Variants in MYO3A observed in about 807,000 individuals in gnomAD.
MYO3A encodes myosin IIIA.
Under a neutral mutation model 192.7 loss-of-function variants are expected in MYO3A, and 180 were observed. That is an observed-to-expected ratio of 0.93 (90% CI 0.83 to 1.06). MYO3A has a LOEUF of 1.06. MYO3A is among the 50% of genes least tolerant of loss of function. MYO3A has a pLI of 0.00. For missense variants in MYO3A, 1,896 were observed against 1,905.0 expected, an observed-to-expected ratio of 1.00 and a Z score of 0.09; for synonymous variants, 628 against 645.3, an observed-to-expected ratio of 0.97 and a Z score of 0.41.
In MYO3A at chr10:26,176,670, G is replaced by C. The variant is rs377363591; in HGVS notation, c.4294-31G>C. On this transcript the variant is annotated intron_variant, in intron 30 of 34. Transcript: ENST00000642920. ...CAGAACTCTCTGTATTCTTTTCCTT[G>C]ATTTAACCTGACACATGACCTTCTT... 1,772 of 1,593,378 alleles carry C rather than the reference G, an allele frequency of 1.1e-3. 32 individuals carry two copies. The South Asian group carries it at 0.013, about 11-fold the overall frequency.
chr10:26,136,983 A>G (rs1589019063), intron 20 of MYO3A, among the ~76,000 whole-genome samples: 1 of 151,878 alleles, frequency 6.6e-6, no homozygotes, highest in Non-Finnish European at 1.5e-5. Context: ...GTGCCACTGC[A>G]CTCCAGCCTG....
chr10:26,032,817 A>C (rs891369890), intron 10 of MYO3A, among the ~76,000 whole-genome samples: 1 of 152,150 alleles, frequency 6.6e-6, no homozygotes, highest in African/African-American at 2.4e-5. Flanking sequence ...GCATGACTCC[A>C]TTTTATGTTC....
At chr10:26,198,404 G>A (rs954187307) in intron 32 of MYO3A, among the ~76,000 whole-genome samples, 4 of 152,128 alleles carry the variant, frequency 2.6e-5, no homozygotes, top group Non-Finnish European at 5.9e-5. Context: ...ATGACTCAGG[G>A]CCAAGTTTCC....
chr10:25,970,510 T>C (rs1378190889), intron 4 of MYO3A, among the ~76,000 whole-genome samples: 4 of 152,092 alleles, frequency 2.6e-5, no homozygotes, highest in Admixed American at 6.5e-5. Flanking sequence ...ATCGGTTATA[T>C]AGATTTTTGC....
chr10:26,010,122 T>C (rs1841528910), intron 6 of MYO3A, among the ~76,000 whole-genome samples: 1 of 152,196 alleles, frequency 6.6e-6, no homozygotes, highest in Non-Finnish European at 1.5e-5. Context: ...TGTTGAGATC[T>C]TTAAAGAAAG....
chr10:25,979,533 C>A (rs1839181353), intron 4 of MYO3A, among the ~76,000 whole-genome samples: 1 of 151,612 alleles, frequency 6.6e-6, no homozygotes, highest in Non-Finnish European at 1.5e-5. Context: ...GGAAACATAC[C>A]AAAACAATCT....
chr10:26,186,671 T>C (rs1488981356), intron 31 of MYO3A, among the ~76,000 whole-genome samples: 5 of 152,206 alleles, frequency 3.3e-5, no homozygotes, highest in Non-Finnish European at 5.9e-5. Flanking sequence ...TTCCCATGCT[T>C]ATTTGCTTTT....
At position 26,201,297 on chromosome 10, in the gene MYO3A, G is replaced by A. The variant is rs1843660904; in HGVS notation, c.4578G>A (p.Arg1526=). 2 of 1,579,136 alleles carry A rather than the reference G, an allele frequency of 1.3e-6. No homozygotes were observed. Among genetic ancestry groups the A allele is most frequent in the African/African-American group, 1.4e-5 (1 of 74,040 alleles). Residue 1526 remains arginine, a synonymous_variant, in exon 33 of 35, where the codon AGG becomes AGA. Coordinates refer to ENST00000642920, the MANE Select transcript of MYO3A (RefSeq NM_017433.5). ...KSIQEEKRRP[R]KDSQGKLLDL... ...TCCAAGAAGAAAAACGAAGACCAAG[G>A]AAAGACAGGTAATTATTACTTCTGG...
Position 26,143,556 on chromosome 10 carries a change from G to C in MYO3A, c.2371G>C (p.Asp791His). Reference sequence around the variant, plus strand: ...GCCAATGGGTTTACTTTCCCTACTTGATGAAGAAAGTAGATTTCCCAAGGC... The same window carrying C: ...GCCAATGGGTTTACTTTCCCTACTTCATGAAGAAAGTAGATTTCCCAAGGC... Reference protein sequence around the residue: ...QKPMGLLSLLDEESRFPKATD... With the variant: ...QKPMGLLSLLHEESRFPKATD... Residue 791 changes from aspartate to histidine, a missense_variant, in exon 21 of 35, where the codon GAT (aspartate) becomes CAT (histidine). Asp to His is a moderately conservative substitution (Grantham distance 81). Coordinates refer to ENST00000642920, the MANE Select transcript of MYO3A (RefSeq NM_017433.5). The C allele has an allele frequency of 6.2e-7, 1 of 1,614,036 alleles. No individual in the cohort carries two copies. The highest frequency in any genetic ancestry group is 8.5e-7 in the Non-Finnish European group (1 of 1,179,966).
intron 10 of MYO3A, among the ~76,000 whole-genome samples, chr10:26,047,636 G>C (rs371664684): frequency 2.0e-5 from 3 of 151,894 alleles, no homozygotes; most frequent in East Asian, 1.9e-4. Context: ...TTAGCCGGGC[G>C]TGGTGGCAGG....
chr10:26,126,413 T>A (rs1839217465), intron 19 of MYO3A, among the ~76,000 whole-genome samples: 2 of 152,294 alleles, frequency 1.3e-5, no homozygotes, highest in East Asian at 3.9e-4. Context: ...TTATTATTTT[T>A]TTCACTAAAA....
At chr10:26,031,100 A>G (rs1251162342) in intron 10 of MYO3A, among the ~76,000 whole-genome samples, 1 of 152,242 alleles carries the variant, frequency 6.6e-6, no homozygotes, top group Non-Finnish European at 1.5e-5. Flanking sequence ...ACAGTTGACT[A>G]TCTGATTTAA....
chr10:26,176,966 C>G, intron 31 of MYO3A, 121 bp downstream of exon 31: 1 of 1,164,856 alleles, frequency 8.6e-7, no homozygotes, highest in Non-Finnish European at 1.2e-6. Flanking sequence ...CTTAGGAGAA[C>G]CTTTATTTCA....
At chr10:26,028,971 A>T (rs1279783637) in intron 10 of MYO3A, among the ~76,000 whole-genome samples, 1 of 152,216 alleles carries the variant, frequency 6.6e-6, no homozygotes, top group African/African-American at 2.4e-5. Context: ...ACCATCCTGG[A>T]CACCAGATAA....
chr10:26,055,733 G>GT (rs1028085530), intron 10 of MYO3A, among the ~76,000 whole-genome samples: 67 of 152,298 alleles, frequency 4.4e-4, no homozygotes, highest in African/African-American at 1.6e-3. Context: ...CCCTCCTCTT[G>GT]TCCTTCCTAA....
intron 31 of MYO3A, among the ~76,000 whole-genome samples, chr10:26,191,337 C>CT (rs1337219273): frequency 6.6e-6 from 1 of 152,134 alleles, no homozygotes; most frequent in Admixed American, 6.5e-5. Context: ...CTGTGACAGT[C>CT]TAAGATGGAT....
chr10:26,157,448 C>G lies in MYO3A; in HGVS notation c.2932C>G (p.Leu978Val). The change falls in exon 26 of 35, where the codon CTG (leucine) becomes GTG (valine). Residue 978 changes from leucine (L) to valine (V), a missense_variant. Transcript: ENST00000642920. ...GCTACAGCTTCGGTACACAGGAATT[C>G]TGGAAACAGCAAGAATTCGAAGACT... ...VLLQLRYTGI[L>V]ETARIRRLGF... The G allele has an allele frequency of 6.2e-7, 1 of 1,614,132 alleles. No homozygotes were observed. The highest frequency in any genetic ancestry group is 8.5e-7 in the Non-Finnish European group (1 of 1,180,002).
At chr10:26,200,924 G>C (rs1198522296) in intron 32 of MYO3A, 1 of 155,298 alleles carries the variant, frequency 6.4e-6, no homozygotes, top group African/African-American at 2.4e-5. Context: ...CATTTGTATA[G>C]AGAAATGGGC....
At chr10:26,110,769 T>G (rs1412789411) in intron 17 of MYO3A, among the ~76,000 whole-genome samples, 1 of 152,142 alleles carries the variant, frequency 6.6e-6, no homozygotes, top group Non-Finnish European at 1.5e-5. Flanking sequence ...GCCATTGACC[T>G]TACCTGATTG....
Sources: gnomAD v4.1 joint callset for allele counts (sites outside exome capture counted in the v4.1 genomes callset) on GRCh38, gnomAD v4.1.1 for gene constraint, MANE v1.5 for transcripts, NCBI Gene and HGNC (gene_info 2026-07-23, HGNC 2026-07-21) for gene names.